The following NR2C2 variants were observed in gnomAD, a reference collection of about 807,000 sequenced individuals.
The protein encoded by NR2C2 is Nuclear hormone receptor TR4.
In NR2C2, 6 loss-of-function variants were observed where a neutral mutation model predicts 62.9. That is an observed-to-expected ratio of 0.10 (90% CI 0.05 to 0.19). The LOEUF (loss-of-function observed/expected upper bound fraction) is 0.19. Ranked by LOEUF, NR2C2 falls within the 10% of genes least tolerant of loss-of-function variation. The pLI is 1.00. For missense variants in NR2C2, 479 were observed against 762.7 expected (o/e 0.63, Z 4.38); for synonymous variants, 272 against 273.8 (o/e 0.99, Z 0.07).
At chr3:15,033,872 A>G (rs1011071282) in intron 10 of NR2C2, among the ~76,000 whole-genome samples, 2 of 152,014 alleles carry the variant, frequency 1.3e-5, no homozygotes, top group African/African-American at 4.8e-5. Flanking sequence ...ACTGTTTTTC[A>G]TAAGTTAGTG....
rs531711674 is a variant in NR2C2, at chr3:15,046,694, T to C, written c.*3686T>C. On this transcript the variant is annotated 3_prime_UTR_variant, in exon 14 of 14. Transcript: ENST00000425241. ...TGCAATGGGGTCATAGGTAACATTT[T>C]AACTCTTTTCTTAGTCCAGGTCATA... The C allele has an allele frequency of 6.6e-6, 1 of 152,648 alleles. No individual in the cohort carries two copies. The highest frequency in any genetic ancestry group is 2.4e-5 in the African/African-American group (1 of 41,578). The allele number at this position is 152,648 out of a possible 1,614,324, so 9.5% of individuals were successfully genotyped here.
At chr3:15,036,193 A>C (rs1280311907) in intron 11 of NR2C2, among the ~76,000 whole-genome samples, 1 of 152,082 alleles carries the variant, frequency 6.6e-6, no homozygotes, top group African/African-American at 2.4e-5. Flanking sequence ...ATTTCAAAAC[A>C]AAAACAAAAA....
chr3:14,961,008 C>T (rs957397771), intron 1 of NR2C2, among the ~76,000 whole-genome samples: 1 of 152,168 alleles, frequency 6.6e-6, no homozygotes, highest in Non-Finnish European at 1.5e-5. Flanking sequence ...TCTATTAAAA[C>T]AATAAACTTA....
At chr3:15,021,934 GA>G (rs1371170311) in intron 5 of NR2C2, among the ~76,000 whole-genome samples, 2 of 152,216 alleles carry the variant, frequency 1.3e-5, no homozygotes, top group African/African-American at 4.8e-5. Flanking sequence ...TTTATCTAAT[GA>G]TACTGCTCTT....
chr3:15,012,949 C>T (rs75092011), intron 2 of NR2C2, among the ~76,000 whole-genome samples: 259 of 152,254 alleles, frequency 1.7e-3, no homozygotes, highest in Non-Finnish European at 2.7e-3. Context: ...CCACTTCCTT[C>T]GGTGCATCCT....
chr3:15,004,206 A>G (rs7639405), intron 2 of NR2C2, among the ~76,000 whole-genome samples: 1,817 of 152,348 alleles, frequency 0.012, 25 homozygotes, highest in South Asian at 0.055. Flanking sequence ...CCATTGAGAT[A>G]AAGTACCATT....
chr3:15,016,280 A>G (rs757090296), intron 4 of NR2C2, 26 bp downstream of exon 4: 32 of 1,524,810 alleles, frequency 2.1e-5, no homozygotes, highest in Admixed American at 1.3e-4. Context: ...TTATGCTGGC[A>G]CTTATAATGG....
intron 5 of NR2C2, among the ~76,000 whole-genome samples, chr3:15,022,316 G>C (rs961822704): frequency 1.3e-5 from 2 of 151,942 alleles, no homozygotes; most frequent in African/African-American, 4.8e-5. Flanking sequence ...AATTAGAAGG[G>C]TTCCTCTACA....
At chr3:15,037,119 A>C (rs564338049) in intron 11 of NR2C2, among the ~76,000 whole-genome samples, 212 of 152,198 alleles carry the variant, frequency 1.4e-3, no homozygotes, top group African/African-American at 4.8e-3. Context: ...GACTCAAAAA[A>C]AAAAAAACCC....
At chr3:15,010,707 G>T (rs2041328752) in intron 2 of NR2C2, among the ~76,000 whole-genome samples, 1 of 142,946 alleles carries the variant, frequency 7.0e-6, no homozygotes, top group African/African-American at 2.7e-5. Flanking sequence ...ACAAGACCCT[G>T]TCTCAAAAAA....
In NR2C2 at chr3:15,039,191, A is replaced by G; in HGVS notation, c.1580A>G (p.Asp527Gly). Residue 527 changes from aspartate (D) to glycine (G), a missense_variant, in exon 13 of 14, where the codon GAC (aspartate) becomes GGC (glycine). By Grantham distance (94) the Asp-to-Gly change is moderately conservative (BLOSUM62 -1). Around this residue, in one of 4 missense-constraint regions of NR2C2, gnomAD observed 162 missense variants for 296.8 expected, o/e 0.55. Coordinates refer to ENST00000425241, the MANE Select transcript of NR2C2 (RefSeq NM_001291694.2). ...GAAAAGGCACAGATGGAGTTGCAGG[A>G]CTATGTTCAGAAAACCTACTCAGAA... ...FQEKAQMELQ[D>G]YVQKTYSEDT... is the part of the protein sequence containing the mutation. 1 of 1,614,128 alleles carries G rather than the reference A, an allele frequency of 6.2e-7. No individual in the cohort carries two copies. The highest frequency in any genetic ancestry group is 8.5e-7 in the Non-Finnish European group (1 of 1,179,978).
Position 15,046,000 on chromosome 3 carries a change from A to G in NR2C2, c.*2992A>G, listed in dbSNP as rs1010893546. On this transcript the variant is annotated 3_prime_UTR_variant, in exon 14 of 14. Transcript: ENST00000425241. ...TTGAAAATGGTGGAGATCATTACAC[A>G]TTAGCATAAAACAGGACAGGAAGAG... 2.6e-5 allele frequency: 4 copies of G among 152,256 alleles called. No homozygotes were observed. Among genetic ancestry groups the G allele is most frequent in the African/African-American group, 9.6e-5 (4 of 41,472 alleles). 9.4% of individuals were successfully genotyped at this position (152,256 alleles called of 1,614,324 possible). A position where few individuals can be genotyped will look rare whatever the true frequency, so the allele number is the denominator to read the frequency against.
intron 2 of NR2C2, among the ~76,000 whole-genome samples, chr3:15,006,624 C>T (rs2041179903): frequency 6.6e-6 from 1 of 152,098 alleles, no homozygotes; most frequent in Non-Finnish European, 1.5e-5. Flanking sequence ...GTTCCACCTC[C>T]CTCTCTAGGT....
intron 1 of NR2C2, among the ~76,000 whole-genome samples, chr3:14,953,155 TGAAAG>T (rs76143956): frequency 0.058 from 8,884 of 152,264 alleles, 357 homozygotes; most frequent in Middle Eastern, 0.096. Flanking sequence ...CCTGTAATGA[TGAAAG>T]TCAGCCTCAG....
At chr3:15,029,011 T>C (rs1305519717) in intron 8 of NR2C2, among the ~76,000 whole-genome samples, 3 of 152,214 alleles carry the variant, frequency 2.0e-5, no homozygotes, top group African/African-American at 7.2e-5. Context: ...CGGTTATTTG[T>C]ATTAATTACT....
intron 1 of NR2C2, among the ~76,000 whole-genome samples, chr3:14,972,809 C>G (rs900379762): frequency 4.6e-5 from 7 of 152,130 alleles, no homozygotes; most frequent in African/African-American, 1.7e-4. Context: ...AGGTGTCTTA[C>G]ATGGCAGGGG....
rs1436001214 is a variant in NR2C2 at position 15,013,646 on chromosome 3, T to C, written c.130T>C (p.Ser44Pro). 6.2e-7 allele frequency: 1 copy of C among 1,613,988 alleles called. No individual in the cohort carries two copies. Among genetic ancestry groups the C allele is most frequent in the East Asian group, 2.2e-5 (1 of 44,880 alleles). ...CCAGATAGTCACCGCAGTGGACGCC[T>C]CCGGATCCCCCAAACAGCAGTTCAT... is the stretch of plus-strand genomic sequence containing the variant. ...KIQIVTAVDA[S>P]GSPKQQFILT... Residue 44 changes from serine to proline, a missense_variant, in exon 3 of 14, where the codon TCC (serine) becomes CCC (proline). This residue lies in a region of NR2C2 where 115 missense variants were observed against 152.3 expected (regional missense o/e 0.76). Transcript: ENST00000425241.
intron 11 of NR2C2, among the ~76,000 whole-genome samples, chr3:15,036,245 C>T (rs772897176): frequency 1.3e-5 from 2 of 151,890 alleles, no homozygotes; most frequent in Non-Finnish European, 2.9e-5. Flanking sequence ...ACCCCCTAGT[C>T]CAGGACATAC....
At chr3:15,032,639 A>C in intron 10 of NR2C2, 139 bp downstream of exon 10, 2 of 992,030 alleles carry the variant, frequency 2.0e-6, no homozygotes, top group South Asian at 3.2e-5. Context: ...TTTTTATTAA[A>C]TATAGTTAGT....
Sources: allele counts gnomAD v4.1 joint callset (sites outside exome capture counted in the v4.1 genomes callset), GRCh38; gene constraint gnomAD v4.1.1; regional missense constraint gnomAD v4.1.1; transcripts MANE v1.5; gene names NCBI Gene and HGNC (gene_info 2026-07-23, HGNC 2026-07-21).